The following NAALADL2 variants were observed in gnomAD, a reference collection of about 807,000 sequenced individuals.
NAALADL2 encodes the protein inactive N-acetylated-alpha-linked acidic dipeptidase-like protein 2.
NAALADL2 carries 76 observed loss-of-function variants against 87.2 expected under a neutral mutation model. The observed-to-expected ratio is 0.87, with a 90% CI of 0.72 to 1.05. The LOEUF is 1.05. Among genes scored for constraint, NAALADL2 ranks in the 50% least tolerant of loss-of-function variants. NAALADL2 has a pLI of 0.00. For missense variants in NAALADL2, 1,089 were observed against 945.8 expected (o/e 1.15, Z -1.99); for synonymous variants, 354 against 331.0 (o/e 1.07, Z -0.75).
intron 1 of NAALADL2, among the ~76,000 whole-genome samples, chr3:174,948,771 T>C (rs967320449): frequency 4.6e-5 from 7 of 152,324 alleles, no homozygotes; most frequent in Non-Finnish European, 1.0e-4. Context: ...CTGATGTATT[T>C]GTCCATTGAT....
At chr3:174,537,183 A>G (rs1413685520) in intron 1 of NAALADL2, among the ~76,000 whole-genome samples, 1 of 152,240 alleles carries the variant, frequency 6.6e-6, no homozygotes, top group African/African-American at 2.4e-5. Flanking sequence ...GTAGAAATGT[A>G]TCACAAGGGT....
intron 1 of NAALADL2, among the ~76,000 whole-genome samples, chr3:174,510,941 A>T (rs1719562794): frequency 6.6e-6 from 1 of 151,834 alleles, no homozygotes; most frequent in African/African-American, 2.4e-5. Context: ...TTCTATTATA[A>T]TTCTGTTGAT....
intron 1 of NAALADL2, among the ~76,000 whole-genome samples, chr3:174,879,220 A>G (rs1224487041): frequency 6.6e-6 from 1 of 152,120 alleles, no homozygotes; most frequent in Non-Finnish European, 1.5e-5. Context: ...AGATAAATCT[A>G]CTTATTAAGG....
intron 1 of NAALADL2, among the ~76,000 whole-genome samples, chr3:174,974,714 AT>A (rs1744132609): frequency 6.6e-6 from 1 of 152,170 alleles, no homozygotes; most frequent in Admixed American, 6.5e-5. Context: ...TAATTGTTCA[AT>A]TGTATAACAT....
At chr3:174,864,445 G>T (rs942366994) in intron 1 of NAALADL2, among the ~76,000 whole-genome samples, 8 of 151,972 alleles carry the variant, frequency 5.3e-5, no homozygotes, top group Non-Finnish European at 8.8e-5. Flanking sequence ...TTTGTTCCTG[G>T]AGTTTGTTTA....
intron 1 of NAALADL2, among the ~76,000 whole-genome samples, chr3:174,465,361 A>T (rs1559999750): frequency 6.6e-6 from 1 of 152,178 alleles, no homozygotes; most frequent in African/African-American, 2.4e-5. Flanking sequence ...TTGTATCCCA[A>T]AGGCCAGCCC....
At chr3:175,496,731 G>T (rs558298151) in intron 9 of NAALADL2, among the ~76,000 whole-genome samples, 95 of 150,236 alleles carry the variant, frequency 6.3e-4, no homozygotes, top group Middle Eastern at 6.8e-3. Context: ...TTTTTGTGTG[G>T]TTTTTTTTTG....
chr3:174,777,451 C>T (rs538675296), intron 3 of NAALADL2, among the ~76,000 whole-genome samples: 2 of 152,174 alleles, frequency 1.3e-5, no homozygotes, highest in South Asian at 4.1e-4. Flanking sequence ...TTTTAAGATA[C>T]TTTTGAACTG....
chr3:175,399,890 A>G (rs999159804), intron 5 of NAALADL2, among the ~76,000 whole-genome samples: 1 of 151,994 alleles, frequency 6.6e-6, no homozygotes, highest in Non-Finnish European at 1.5e-5. Context: ...GTATCTGTTC[A>G]TTTTCCTATT....
intron 1 of NAALADL2, among the ~76,000 whole-genome samples, chr3:174,882,915 TTGTATATATA>T (rs1729604165): frequency 6.6e-6 from 1 of 150,744 alleles, no homozygotes; most frequent in Non-Finnish European, 1.5e-5. Context: ...ATATATATGT[TTGTATATATA>T]TGTATATATA....
At chr3:175,237,367 A>T (rs942803757) in intron 3 of NAALADL2, among the ~76,000 whole-genome samples, 3 of 152,096 alleles carry the variant, frequency 2.0e-5, no homozygotes, top group African/African-American at 7.2e-5. Flanking sequence ...TGTGGAGGCT[A>T]AGTTAGCCTC....
intron 1 of NAALADL2, among the ~76,000 whole-genome samples, chr3:174,540,014 T>G (rs1722076961): frequency 7.1e-6 from 1 of 141,272 alleles, no homozygotes; most frequent in African/African-American, 2.6e-5. Context: ...AAAAGCTGCC[T>G]GATGTTTTGA....
chr3:174,778,451 C>T (rs62287836), intron 3 of NAALADL2, among the ~76,000 whole-genome samples: 43,267 of 151,298 alleles, frequency 0.29, 6,243 homozygotes, highest in Middle Eastern at 0.34. Context: ...GGCTACTCTG[C>T]ACCAGGTTTG....
intron 2 of NAALADL2, among the ~76,000 whole-genome samples, chr3:174,658,237 G>A (rs1048424245): frequency 2.0e-5 from 3 of 152,050 alleles, no homozygotes; most frequent in Non-Finnish European, 4.4e-5. Context: ...CGTTCCCACC[G>A]GCAATGAATG....
chr3:175,343,822 A>G (rs1560398838), intron 5 of NAALADL2, among the ~76,000 whole-genome samples: 1 of 151,996 alleles, frequency 6.6e-6, no homozygotes, highest in African/African-American at 2.4e-5. Context: ...AGGGCAGTAG[A>G]AAGGCAAAAA....
intron 5 of NAALADL2, among the ~76,000 whole-genome samples, chr3:175,326,078 T>G (rs1033585270): frequency 1.3e-5 from 2 of 152,256 alleles, no homozygotes; most frequent in African/African-American, 2.4e-5. Flanking sequence ...AAAGAAGCCA[T>G]GTAGCACCTT....
In NAALADL2 at chr3:174,829,356, A is replaced by G. The variant is rs567742391; in HGVS notation, c.-9+91610A>G. Among the ~76,000 whole-genome samples the G allele has an allele frequency of 2.1e-4, 31 of 150,766 alleles. No individual in the cohort carries two copies. In the South Asian group the frequency reaches 5.1e-3, roughly 25 times the overall value. ...GTTCAATTCCCACCTATGAGTGAGA[A>G]TATGCGGTGTTTGTTTTTTTGTTCT... On this transcript the variant is annotated intron_variant, in intron 3 of 3. Coordinates refer to the NAALADL2 transcript ENST00000434257.
chr3:175,313,678 T>C (rs1434004288), intron 4 of NAALADL2, among the ~76,000 whole-genome samples: 1 of 152,164 alleles, frequency 6.6e-6, no homozygotes, highest in Non-Finnish European at 1.5e-5. Context: ...ACTGCCCAAA[T>C]GGCAATAACA....
chr3:175,230,529 G>A (rs974943333), intron 2 of NAALADL2, among the ~76,000 whole-genome samples: 6 of 151,936 alleles, frequency 3.9e-5, no homozygotes, highest in Admixed American at 3.9e-4. Flanking sequence ...CTCCTCACTG[G>A]TAATCATGAA....
Sources: allele counts gnomAD v4.1 joint callset (sites outside exome capture counted in the v4.1 genomes callset), GRCh38; gene constraint gnomAD v4.1.1; transcripts MANE v1.5; gene names NCBI Gene and HGNC (gene_info 2026-07-23, HGNC 2026-07-21).